Variants in LRGUK observed in about 807,000 individuals in gnomAD.
LRGUK encodes the protein leucine rich repeats and guanylate kinase domain containing, also known as leucine-rich repeat and guanylate kinase domain-containing protein.
A neutral mutation model predicts 76.0 loss-of-function variants in LRGUK; 65 were observed. The observed-to-expected ratio is 0.85, with a 90% CI of 0.70 to 1.05. LRGUK has a LOEUF of 1.05. Ranked by LOEUF, LRGUK falls within the 50% of genes least tolerant of loss-of-function variation. The probability of loss-of-function intolerance (pLI) is 0.00; values close to 1 mark genes in which losing one functional copy is unlikely to be tolerated. For missense variants in LRGUK, 758 were observed against 732.8 expected, an observed-to-expected ratio of 1.03 and a Z score of -0.40; for synonymous variants, 268 against 265.6, an observed-to-expected ratio of 1.01 and a Z score of -0.09.
At chr7:134,274,797 T>G in the LRGUK span, among the ~76,000 whole-genome samples, 2 of 152,184 alleles carry the variant, frequency 1.3e-5, no homozygotes, top group African/African-American at 2.4e-5. Flanking sequence ...CCACCTGTGC[T>G]TATTTTTATT....
chr7:134,256,876 T>A (rs1202712588), intron 18 of LRGUK, among the ~76,000 whole-genome samples: 2 of 152,166 alleles, frequency 1.3e-5, no homozygotes, highest in Non-Finnish European at 2.9e-5. Flanking sequence ...CAGGTCCAGA[T>A]CTTGTGTTCA....
downstream of LRGUK, among the ~76,000 whole-genome samples, chr7:134,268,717 C>CTTTTTTTTTT (rs71531815): frequency 2.3e-4 from 13 of 57,350 alleles, 2 homozygotes; most frequent in African/African-American, 5.6e-4. Flanking sequence ...TGCAAAAAAT[C>CTTTTTTTTTT]TTTTTTTTTT....
At chr7:134,150,138 G>C (rs1457023016) in intron 5 of LRGUK, among the ~76,000 whole-genome samples, 2 of 152,092 alleles carry the variant, frequency 1.3e-5, no homozygotes, top group Non-Finnish European at 2.9e-5. Flanking sequence ...AGCCAGGCGT[G>C]GTGGCGGGCA....
At chr7:134,145,644 C>G (rs1298316598) in intron 4 of LRGUK, among the ~76,000 whole-genome samples, 2 of 152,216 alleles carry the variant, frequency 1.3e-5, no homozygotes, top group Non-Finnish European at 2.9e-5. Flanking sequence ...AGGTAACTAA[C>G]TTCACCTTTG....
At chr7:134,240,549 T>G (rs1802121084) in intron 16 of LRGUK, among the ~76,000 whole-genome samples, 2 of 152,154 alleles carry the variant, frequency 1.3e-5, no homozygotes, top group Non-Finnish European at 2.9e-5. Context: ...AATATGGGAC[T>G]ATGTGAAAAG....
chr7:134,148,256 A>G, exon 5 of LRGUK: 1 of 1,604,404 alleles, frequency 6.2e-7, no homozygotes, highest in Non-Finnish European at 8.5e-7. Context: ...TTTTTCCCAC[A>G]ACCAAATTTC....
At chr7:134,183,836 C>G in exon 11 of LRGUK, 1 of 1,614,028 alleles carries the variant, frequency 6.2e-7, no homozygotes, top group Non-Finnish European at 8.5e-7. Flanking sequence ...GACAGTTTAG[C>G]ACTTACTTCA....
At chr7:134,140,321 C>T (rs1797717419) in intron 3 of LRGUK, among the ~76,000 whole-genome samples, 2 of 152,098 alleles carry the variant, frequency 1.3e-5, no homozygotes, top group African/African-American at 4.8e-5. Context: ...TTATTGAGCA[C>T]CAGGGATTCA....
intron 18 of LRGUK, among the ~76,000 whole-genome samples, chr7:134,252,505 TG>T (rs1479798320): frequency 6.6e-6 from 1 of 152,206 alleles, no homozygotes; most frequent in Non-Finnish European, 1.5e-5. Flanking sequence ...TAGACTTCTC[TG>T]CCACTTGATA....
chr7:134,241,907 A>C lies in LRGUK; in HGVS notation c.1984-5649A>C, dbSNP rs527956555. ...GAGCTCAGGATTAAGAAACTCACTCAAAACTGCTCAACTACATGGAAACTG... is the reference window on the plus strand; with the variant it reads ...GAGCTCAGGATTAAGAAACTCACTCCAAACTGCTCAACTACATGGAAACTG... On this transcript the variant is annotated intron_variant, in intron 16 of 19. Transcript: ENST00000285928. Among the ~76,000 whole-genome samples, 11 of 152,360 alleles carry C rather than the reference A, an allele frequency of 7.2e-5. No individual in the cohort carries two copies. The East Asian group carries it at 2.1e-3, about 29-fold the overall frequency.
At chr7:134,166,745 A>G (rs1799003952) in intron 7 of LRGUK, among the ~76,000 whole-genome samples, 1 of 151,990 alleles carries the variant, frequency 6.6e-6, no homozygotes, top group Non-Finnish European at 1.5e-5. Context: ...ATTCCACTCA[A>G]TTTTTGTGCT....
In LRGUK at chr7:134,263,493, C is replaced by T. The variant is rs139300760; in HGVS notation, c.2348-352C>T. Among the ~76,000 whole-genome samples the T allele has an allele frequency of 3.4e-3, 501 of 145,422 alleles. 3 individuals carry two copies. Among genetic ancestry groups the T allele is most frequent in the African/African-American group, 0.012 (473 of 40,888 alleles). On this transcript the variant is annotated intron_variant, in intron 19 of 19. Coordinates refer to the LRGUK transcript ENST00000285928. ...CAGAAGGCATGACAGGTGGAAGAATCGCTAGTGAGTGCTTGCTGTAGCATC... is the reference window on the plus strand; with the variant it reads ...CAGAAGGCATGACAGGTGGAAGAATTGCTAGTGAGTGCTTGCTGTAGCATC...
intron 7 of LRGUK, among the ~76,000 whole-genome samples, chr7:134,172,458 C>CA (rs1799295715): frequency 6.6e-6 from 1 of 151,930 alleles, no homozygotes. Context: ...TAATTCTTTA[C>CA]AAAAAAATTA....
intron 7 of LRGUK, among the ~76,000 whole-genome samples, chr7:134,166,835 G>A (rs555531716): frequency 4.6e-5 from 7 of 152,154 alleles, no homozygotes; most frequent in Admixed American, 2.0e-4. Context: ...TAATGTCCCC[G>A]GCAAGCAATG....
intron 16 of LRGUK, among the ~76,000 whole-genome samples, chr7:134,231,554 CCCTTCCTCCCTT>C (rs1801894016): frequency 7.3e-6 from 1 of 136,570 alleles, no homozygotes; most frequent in South Asian, 2.7e-4. Flanking sequence ...CTCCGTCCCT[CCCTTCCTCCCTT>C]CCTTCCTCCC....
intron 9 of LRGUK, among the ~76,000 whole-genome samples, chr7:134,177,563 A>T (rs1799532895): frequency 6.6e-6 from 1 of 152,218 alleles, no homozygotes; most frequent in East Asian, 1.9e-4. Flanking sequence ...ATTCCAGAAT[A>T]ACCAGAACTT....
intron 18 of LRGUK, among the ~76,000 whole-genome samples, chr7:134,255,811 G>A (rs1802564203): frequency 6.6e-6 from 1 of 151,918 alleles, no homozygotes; most frequent in African/African-American, 2.4e-5. Context: ...ATCTTTCCGT[G>A]TGTGCATGGG....
rs138257293 is a variant in LRGUK, at chr7:134,192,647, T to A, written c.1431+896T>A. On this transcript the variant is annotated intron_variant, in intron 12 of 15. Transcript: ENST00000645682. ...TATCTGTTGAAAGTGTATGCTAATG[T>A]AAATATGTATCTGCCCATGACTTCA... 1.8e-3 allele frequency among the ~76,000 whole-genome samples: 273 copies of A among 152,354 alleles called. 1 individual carries two copies. The highest frequency in any genetic ancestry group is 6.2e-3 in the African/African-American group (257 of 41,590).
chr7:134,193,021 T>C (rs1390755633), intron 12 of LRGUK, among the ~76,000 whole-genome samples: 1 of 152,246 alleles, frequency 6.6e-6, no homozygotes, highest in Non-Finnish European at 1.5e-5. Flanking sequence ...CATTTCAGCA[T>C]AGGCTTTGCA....
Sources: allele counts gnomAD v4.1 joint callset (sites outside exome capture counted in the v4.1 genomes callset), GRCh38; gene constraint gnomAD v4.1.1; transcripts MANE v1.5; gene names NCBI Gene and HGNC (gene_info 2026-07-23, HGNC 2026-07-21).